The following RAB7A variants were observed in gnomAD, a reference collection of about 807,000 sequenced individuals.
The protein encoded by RAB7A is ras-related protein Rab-7a.
In RAB7A, 2 loss-of-function variants were observed where a neutral mutation model predicts 24.5. The observed-to-expected ratio is 0.08, with a 90% CI of 0.03 to 0.26. The LOEUF is 0.26. RAB7A is among the 10% of genes least tolerant of loss of function. The pLI, the probability that RAB7A is intolerant of heterozygous loss-of-function variation, is 1.00. For missense variants in RAB7A, 118 were observed against 255.7 expected, an observed-to-expected ratio of 0.46 and a Z score of 3.67; for synonymous variants, 100 against 95.9, an observed-to-expected ratio of 1.04 and a Z score of -0.25.
At chr3:128,747,956 C>T (rs977867333) in intron 1 of RAB7A, among the ~76,000 whole-genome samples, 4 of 152,014 alleles carry the variant, frequency 2.6e-5, no homozygotes, top group African/African-American at 9.7e-5. Flanking sequence ...TTAGTAGAGA[C>T]GAGGTTTCAC....
chr3:128,779,147 C>T (rs1414819903), intron 1 of RAB7A, among the ~76,000 whole-genome samples: 1 of 152,174 alleles, frequency 6.6e-6, no homozygotes, highest in Non-Finnish European at 1.5e-5. Context: ...GGTACGGTGG[C>T]TCACGCCTAT....
At chr3:128,774,176 T>C (rs1016788221) in intron 1 of RAB7A, among the ~76,000 whole-genome samples, 1 of 143,678 alleles carries the variant, frequency 7.0e-6, no homozygotes, top group Non-Finnish European at 1.5e-5. Context: ...CCCTAATATA[T>C]GTATTAACTA....
intron 1 of RAB7A, among the ~76,000 whole-genome samples, chr3:128,759,051 GT>G (rs35363077): frequency 0.28 from 41,933 of 152,040 alleles, 7,403 homozygotes; most frequent in African/African-American, 0.5. Flanking sequence ...TTACAAATGA[GT>G]TAAATTAAGA....
chr3:128,750,868 G>C (rs930042599), intron 1 of RAB7A, among the ~76,000 whole-genome samples: 1 of 152,174 alleles, frequency 6.6e-6, no homozygotes, highest in Non-Finnish European at 1.5e-5. Context: ...CCGGGCCTAG[G>C]GTCCCCGTGG....
At chr3:128,736,742 T>C (rs1296020894) in intron 1 of RAB7A, among the ~76,000 whole-genome samples, 9 of 152,168 alleles carry the variant, frequency 5.9e-5, no homozygotes, top group African/African-American at 2.2e-4. Flanking sequence ...GAATGACACA[T>C]TATTTCATGT....
chr3:128,737,371 C>T lies in RAB7A; in HGVS notation c.-9+11012C>T, dbSNP rs1260360546. On this transcript the variant is annotated intron_variant, in intron 1 of 5. Coordinates refer to ENST00000265062, the MANE Select transcript of RAB7A (RefSeq NM_004637.6). Reference sequence around the variant, plus strand: ...TTTTTTTTTTTTTGAGATGGAGTCTCGCTCTGTCACCCAGGCTGGAGTACA... The same window carrying T: ...TTTTTTTTTTTTTGAGATGGAGTCTTGCTCTGTCACCCAGGCTGGAGTACA... Among the ~76,000 whole-genome samples the T allele has an allele frequency of 1.2e-4, 17 of 139,754 alleles. No homozygotes were observed. In the South Asian group the frequency reaches 1.4e-3, roughly 12 times the overall value. The allele number at this position is 139,754 out of a possible 152,430, so 91.7% of individuals were successfully genotyped here.
intron 1 of RAB7A, among the ~76,000 whole-genome samples, chr3:128,737,972 AGCT>A (rs1259138861): frequency 1.3e-5 from 2 of 150,984 alleles, no homozygotes; most frequent in Non-Finnish European, 3.0e-5. Flanking sequence ...CACCATGCCC[AGCT>A]CTGCCCTGTC....
chr3:128,796,017 C>T (rs1371476296), intron 2 of RAB7A, among the ~76,000 whole-genome samples: 1 of 151,944 alleles, frequency 6.6e-6, no homozygotes, highest in Non-Finnish European at 1.5e-5. Flanking sequence ...TCCCAAAGTG[C>T]TGGGATTACA....
At chr3:128,758,556 G>A (rs181417340) in intron 1 of RAB7A, among the ~76,000 whole-genome samples, 4 of 152,174 alleles carry the variant, frequency 2.6e-5, no homozygotes, top group African/African-American at 9.6e-5. Context: ...AATTACAGGC[G>A]TGAGCCACTG....
rs74357924 is a variant in RAB7A, at chr3:128,783,409, C to T, written c.-8-11951C>T. 8.4e-3 allele frequency among the ~76,000 whole-genome samples: 1,280 copies of T among 152,036 alleles called. 21 individuals are homozygous for T. Among genetic ancestry groups the T allele is most frequent in the African/African-American group, 0.029 (1,204 of 41,424 alleles). On this transcript the variant is annotated intron_variant, in intron 1 of 5. Coordinates refer to ENST00000265062, the MANE Select transcript of RAB7A (RefSeq NM_004637.6). ...TCAACACTGCCTAGACCTCACCTGC[C>T]CCCTCCAGATGAGCAGGCTCCTGGG...
intron 1 of RAB7A, among the ~76,000 whole-genome samples, chr3:128,783,068 C>G (rs992747095): frequency 2.0e-5 from 3 of 152,182 alleles, no homozygotes; most frequent in African/African-American, 7.2e-5. Flanking sequence ...TTGGCATTCT[C>G]CATCATCTCT....
chr3:128,748,764 G>A (rs949636632), intron 1 of RAB7A: 1 of 152,180 alleles, frequency 6.6e-6, no homozygotes, highest in African/African-American at 2.4e-5. Context: ...CTGGGGTTGA[G>A]GGTAAGCAGT....
chr3:128,738,905 C>T lies in RAB7A; in HGVS notation c.-9+12546C>T, dbSNP rs569024388. Among the ~76,000 whole-genome samples, 8 of 152,332 alleles carry T rather than the reference C, an allele frequency of 5.3e-5. No individual in the cohort carries two copies. The East Asian group carries it at 1.5e-3, about 29-fold the overall frequency. The stretch of plus-strand genomic sequence containing the variant: ...GAAGCTGTAGGATTGTAGAAGCTTT[C>T]TTAAGCAAGGCCATAGTATGGCTGT... On this transcript the variant is annotated intron_variant, in intron 1 of 5. Transcript: ENST00000265062.
At chr3:128,749,634 G>C (rs2070656081) in intron 1 of RAB7A, 1 of 152,154 alleles carries the variant, frequency 6.6e-6, no homozygotes, top group African/African-American at 2.4e-5. Context: ...CATGGGGGCA[G>C]GTCTTTCCTG....
chr3:128,741,924 C>T (rs1039133155), intron 1 of RAB7A, among the ~76,000 whole-genome samples: 4 of 151,958 alleles, frequency 2.6e-5, no homozygotes, highest in African/African-American at 4.8e-5. Context: ...CAGGCTCAGG[C>T]GATCCTCCCA....
At chr3:128,779,239 C>A (rs1221678722) in intron 1 of RAB7A, among the ~76,000 whole-genome samples, 3 of 151,954 alleles carry the variant, frequency 2.0e-5, no homozygotes, top group Non-Finnish European at 4.4e-5. Context: ...CATGGTGAAA[C>A]CCCGTCTCTA....
chr3:128,787,927 G>C (rs1421204902), intron 1 of RAB7A, among the ~76,000 whole-genome samples: 1 of 152,170 alleles, frequency 6.6e-6, no homozygotes, highest in East Asian at 1.9e-4. Context: ...TGCCCAGGTT[G>C]GTCTCAAAAC....
intron 1 of RAB7A, among the ~76,000 whole-genome samples, chr3:128,773,438 C>T (rs1218084485): frequency 3.5e-5 from 5 of 144,724 alleles, no homozygotes; most frequent in South Asian, 4.3e-4. Context: ...GGGCAGCCCC[C>T]GCCCGGCCAG....
intron 1 of RAB7A, among the ~76,000 whole-genome samples, chr3:128,761,078 G>A (rs754134092): frequency 2.0e-5 from 3 of 152,178 alleles, no homozygotes; most frequent in Non-Finnish European, 2.9e-5. Flanking sequence ...AATCCTTGGC[G>A]TAAGTGTATA....
Sources: gnomAD v4.1 joint callset for allele counts (sites outside exome capture counted in the v4.1 genomes callset) on GRCh38, gnomAD v4.1.1 for gene constraint, MANE v1.5 for transcripts, NCBI Gene and HGNC (gene_info 2026-07-23, HGNC 2026-07-21) for gene names.